The following LANCL2 variants were observed in gnomAD, a reference collection of about 807,000 sequenced individuals.
LANCL2 encodes LanC like glutathione S-transferase 2, also known as lanC-like protein 2.
Under a neutral mutation model 56.9 loss-of-function variants are expected in LANCL2, and 33 were observed. The ratio of observed to expected loss-of-function variants is 0.58; its 90% confidence interval spans 0.44 to 0.78. The LOEUF (loss-of-function observed/expected upper bound fraction) is 0.78. Ranked by LOEUF, LANCL2 falls within the 30% of genes least tolerant of loss-of-function variation. The probability of loss-of-function intolerance (pLI) is 0.00; values close to 1 mark genes in which losing one functional copy is unlikely to be tolerated. For missense variants in LANCL2, 562 were observed against 580.2 expected (o/e 0.97, Z 0.32); for synonymous variants, 233 against 228.2 (o/e 1.02, Z -0.19).
At chr7:55,399,929 G>GA (rs1228190710) in intron 3 of LANCL2, 28 bp from the exon 4 acceptor site, 7 of 1,593,176 alleles carry the variant, frequency 4.4e-6, no homozygotes, top group Non-Finnish European at 6.0e-6. Flanking sequence ...CTTCCACTGG[G>GA]AAAAAATTAA....
At chr7:55,429,692 C>T (rs1162362559) in intron 8 of LANCL2, among the ~76,000 whole-genome samples, 1 of 152,214 alleles carries the variant, frequency 6.6e-6, no homozygotes, top group African/African-American at 2.4e-5. Context: ...AAATGCAATG[C>T]ATTTGCATCA....
chr7:55,409,925 A>G (rs888601060), intron 5 of LANCL2, among the ~76,000 whole-genome samples: 1 of 152,230 alleles, frequency 6.6e-6, no homozygotes, highest in Non-Finnish European at 1.5e-5. Flanking sequence ...CAATATTTGC[A>G]TAGTATAGTC....
intron 1 of LANCL2, among the ~76,000 whole-genome samples, chr7:55,379,494 G>T (rs1303424710): frequency 1.3e-5 from 2 of 152,146 alleles, no homozygotes; most frequent in African/African-American, 2.4e-5. Flanking sequence ...TACTATTCTG[G>T]ATATAATCAG....
At chr7:55,366,331 G>T (rs912443831) in intron 1 of LANCL2, 102 bp downstream of exon 1, 17 of 1,020,250 alleles carry the variant, frequency 1.7e-5, no homozygotes, top group Non-Finnish European at 2.3e-5. Context: ...GCCGGGCTTG[G>T]GAGGGCGCGG....
At chr7:55,368,243 C>G (rs977240468) in intron 1 of LANCL2, among the ~76,000 whole-genome samples, 1 of 152,112 alleles carries the variant, frequency 6.6e-6, no homozygotes, top group Non-Finnish European at 1.5e-5. Context: ...TCTTTTTAGC[C>G]TTTGTATCTG....
chr7:55,393,305 G>A (rs573236368), intron 2 of LANCL2, among the ~76,000 whole-genome samples: 3 of 152,318 alleles, frequency 2.0e-5, no homozygotes, highest in Admixed American at 6.5e-5. Flanking sequence ...GGCCAAAGAC[G>A]GCAGATCACT....
At chr7:55,393,006 C>A (rs1377735252) in intron 2 of LANCL2, among the ~76,000 whole-genome samples, 2 of 152,000 alleles carry the variant, frequency 1.3e-5, no homozygotes, top group Non-Finnish European at 2.9e-5. Context: ...TGATAACAAC[C>A]AATAATACAC....
intron 1 of LANCL2, among the ~76,000 whole-genome samples, chr7:55,369,390 A>G (rs1004909000): frequency 5.3e-5 from 8 of 152,334 alleles, no homozygotes; most frequent in African/African-American, 1.9e-4. Flanking sequence ...TTGGCTGCCT[A>G]GGTATGTGGT....
chr7:55,406,114 AATGT>A (rs1314167820), intron 5 of LANCL2, among the ~76,000 whole-genome samples: 2 of 152,164 alleles, frequency 1.3e-5, no homozygotes, highest in African/African-American at 4.8e-5. Context: ...CAGGTGGCCG[AATGT>A]ATGTGTCGGT....
intron 1 of LANCL2, among the ~76,000 whole-genome samples, chr7:55,375,103 TTTTCTTC>T (rs1205163087): frequency 6.6e-6 from 1 of 152,226 alleles, no homozygotes; most frequent in Non-Finnish European, 1.5e-5. Flanking sequence ...AAACGTACCT[TTTTCTTC>T]TTAGGAGCTA....
chr7:55,427,171 C>T (rs1403487540), intron 7 of LANCL2, among the ~76,000 whole-genome samples: 2 of 152,158 alleles, frequency 1.3e-5, no homozygotes. Context: ...TTAGTTCTTC[C>T]CTGTAGCCAG....
chr7:55,385,123 G>A (rs376197457), intron 1 of LANCL2, among the ~76,000 whole-genome samples: 10 of 152,122 alleles, frequency 6.6e-5, no homozygotes, highest in East Asian at 1.9e-4. Context: ...TGAGGCAGAC[G>A]TTGCAGTGAG....
intron 1 of LANCL2, among the ~76,000 whole-genome samples, chr7:55,383,202 T>C (rs563028240): frequency 6.6e-6 from 1 of 152,196 alleles, no homozygotes; most frequent in South Asian, 2.1e-4. Context: ...CACAGACATA[T>C]GTGGAGTGGT....
chr7:55,423,259 G>A (rs1027167081), intron 6 of LANCL2, among the ~76,000 whole-genome samples: 6 of 152,216 alleles, frequency 3.9e-5, no homozygotes, highest in African/African-American at 1.2e-4. Flanking sequence ...TAGGCTGCTG[G>A]TGCTGAGAAG....
In LANCL2 at chr7:55,428,431, C is replaced by G. The variant is rs1562871596; in HGVS notation, c.1242C>G (p.Pro414=). Residue 414 remains proline, a synonymous_variant, in exon 8 of 9, where the codon CCC becomes CCG. Transcript: ENST00000254770. ...ACGGGTGCCGCATTCCTGACAGACC[C>G]TATTCGCTCTTTGAAGGTAAGAGTG... ...GAHGCRIPDR[P]YSLFEGMAGA... 6.2e-7 allele frequency: 1 copy of G among 1,614,030 alleles called. No homozygotes were observed. Among genetic ancestry groups the G allele is most frequent in the East Asian group, 2.2e-5 (1 of 44,894 alleles).
chr7:55,399,668 T>G (rs1790298349), intron 3 of LANCL2, among the ~76,000 whole-genome samples: 1 of 152,194 alleles, frequency 6.6e-6, no homozygotes, highest in South Asian at 2.1e-4. Flanking sequence ...ATTTAAATTT[T>G]AAATCACTTT....
intron 1 of LANCL2, among the ~76,000 whole-genome samples, chr7:55,384,362 G>C (rs1790101791): frequency 6.6e-6 from 1 of 152,182 alleles, no homozygotes; most frequent in South Asian, 2.1e-4. Flanking sequence ...GATCATCCTG[G>C]CTAACACGGT....
At chr7:55,426,734 G>A (rs1208981626) in intron 7 of LANCL2, among the ~76,000 whole-genome samples, 1 of 152,238 alleles carries the variant, frequency 6.6e-6, no homozygotes, top group Non-Finnish European at 1.5e-5. Flanking sequence ...AGAAACTGCT[G>A]TTCCAAAGGC....
chr7:55,381,329 A>G (rs1790066561), intron 1 of LANCL2, among the ~76,000 whole-genome samples: 1 of 152,170 alleles, frequency 6.6e-6, no homozygotes, highest in African/African-American at 2.4e-5. Flanking sequence ...GGAACCAGAA[A>G]TCTAAGATGG....
Sources: gnomAD v4.1 joint callset for allele counts (sites outside exome capture counted in the v4.1 genomes callset) on GRCh38, gnomAD v4.1.1 for gene constraint, MANE v1.5 for transcripts, NCBI Gene and HGNC (gene_info 2026-07-23, HGNC 2026-07-21) for gene names.